Variants in LRRC4C observed in about 807,000 individuals in gnomAD.
LRRC4C encodes leucine-rich repeat-containing protein 4C.
In LRRC4C, 5 loss-of-function variants were observed where a neutral mutation model predicts 33.6. The ratio of observed to expected loss-of-function variants is 0.15; its 90% confidence interval spans 0.08 to 0.31. LRRC4C has a LOEUF of 0.31. LRRC4C is among the 10% of genes least tolerant of loss of function. The pLI, the probability that LRRC4C is intolerant of heterozygous loss-of-function variation, is 1.00. For synonymous variants in LRRC4C, 329 were observed against 302.0 expected (o/e 1.09, Z -0.93); for missense variants, 560 against 796.7 (o/e 0.70, Z 3.58).
chr11:41,012,605 G>C (rs567077659), intron 1 of LRRC4C, among the ~76,000 whole-genome samples: 1 of 152,260 alleles, frequency 6.6e-6, no homozygotes, highest in South Asian at 2.1e-4. Context: ...ATGCCCAGTA[G>C]TGAAATTGCT....
intron 1 of LRRC4C, among the ~76,000 whole-genome samples, chr11:41,432,726 G>T (rs529351283): frequency 6.6e-6 from 1 of 152,026 alleles, no homozygotes; most frequent in Non-Finnish European, 1.5e-5. Flanking sequence ...GTGCTCTAGA[G>T]ACATTTTATA....
chr11:40,997,845 G>A (rs564375901), intron 1 of LRRC4C, among the ~76,000 whole-genome samples: 2 of 152,222 alleles, frequency 1.3e-5, no homozygotes, highest in African/African-American at 4.8e-5. Flanking sequence ...CAAACTTGCA[G>A]TTATTCACCT....
At chr11:40,889,800 C>T (rs1048870995) in intron 2 of LRRC4C, among the ~76,000 whole-genome samples, 8 of 151,986 alleles carry the variant, frequency 5.3e-5, no homozygotes, top group African/African-American at 1.9e-4. Flanking sequence ...TTCTCTGAAT[C>T]CCAGAAAACT....
intron 4 of LRRC4C, among the ~76,000 whole-genome samples, chr11:40,243,359 T>C (rs995743120): frequency 1.3e-5 from 2 of 152,166 alleles, no homozygotes; most frequent in African/African-American, 4.8e-5. Flanking sequence ...ATACTTTATA[T>C]TTTGTGGAAC....
At chr11:41,278,831 T>TC (rs397713761) in intron 1 of LRRC4C, among the ~76,000 whole-genome samples, 3 of 151,750 alleles carry the variant, frequency 2.0e-5, no homozygotes, top group Non-Finnish European at 4.4e-5. Context: ...TGTGTTTTTT[T>TC]CCCCCAACTT....
intron 3 of LRRC4C, among the ~76,000 whole-genome samples, chr11:40,600,881 A>G (rs1207255439): frequency 8.3e-5 from 1 of 12,024 alleles, no homozygotes; most frequent in Non-Finnish European, 8.8e-3. Flanking sequence ...ACATATCCCC[A>G]TAAATATGAG....
intron 3 of LRRC4C, among the ~76,000 whole-genome samples, chr11:40,414,530 G>T (rs528430009): frequency 6.6e-6 from 1 of 152,136 alleles, no homozygotes; most frequent in African/African-American, 2.4e-5. Context: ...GTAATGGTTG[G>T]TTTGCCAACC....
intron 3 of LRRC4C, among the ~76,000 whole-genome samples, chr11:40,532,174 C>A (rs963261991): frequency 6.6e-6 from 1 of 151,012 alleles, no homozygotes; most frequent in African/African-American, 2.4e-5. Context: ...TAGCTAGTAA[C>A]CTCAACCAAG....
intron 1 of LRRC4C, among the ~76,000 whole-genome samples, chr11:41,454,386 C>T (rs1956117014): frequency 6.6e-6 from 1 of 152,060 alleles, no homozygotes; most frequent in Non-Finnish European, 1.5e-5. Context: ...TGCAGCATTC[C>T]CTGTCCAAAT....
chr11:40,836,594 T>C (rs1952679730), intron 2 of LRRC4C, among the ~76,000 whole-genome samples: 1 of 152,140 alleles, frequency 6.6e-6, no homozygotes, highest in African/African-American at 2.4e-5. Flanking sequence ...TTTTATAATA[T>C]AACTCTCAAG....
At chr11:40,638,353 A>G (rs1249920915) in intron 3 of LRRC4C, among the ~76,000 whole-genome samples, 1 of 152,168 alleles carries the variant, frequency 6.6e-6, no homozygotes, top group Non-Finnish European at 1.5e-5. Context: ...GAATTAATCA[A>G]CACATGCTAA....
intron 5 of LRRC4C, among the ~76,000 whole-genome samples, chr11:40,205,057 A>G (rs1033786467): frequency 1.3e-5 from 2 of 152,222 alleles, no homozygotes; most frequent in African/African-American, 2.4e-5. Flanking sequence ...TATTTTACAC[A>G]TCCTTTAAAT....
At chr11:40,611,259 A>G (rs1172015169) in intron 3 of LRRC4C, among the ~76,000 whole-genome samples, 1 of 151,946 alleles carries the variant, frequency 6.6e-6, no homozygotes, top group African/African-American at 2.4e-5. Flanking sequence ...TACCAAGACT[A>G]CACAATGGGG....
intron 1 of LRRC4C, among the ~76,000 whole-genome samples, chr11:41,408,755 A>AAAAAAAAAAAAAAAAAAAAAC (rs1191106845): frequency 6.8e-6 from 1 of 148,012 alleles, no homozygotes; most frequent in African/African-American, 2.7e-5. Context: ...TGTAAAAAAA[A>AAAAAAAAAAAAAAAAAAAAAC]AAAAAAAAAA....
chr11:40,404,056 T>C (rs917184586), intron 3 of LRRC4C, among the ~76,000 whole-genome samples: 1 of 152,200 alleles, frequency 6.6e-6, no homozygotes, highest in African/African-American at 2.4e-5. Context: ...GAGATCAAAG[T>C]AAGCATGACA....
intron 1 of LRRC4C, among the ~76,000 whole-genome samples, chr11:41,225,610 G>A (rs1350123541): frequency 2.0e-5 from 3 of 152,004 alleles, no homozygotes; most frequent in Non-Finnish European, 4.4e-5. Flanking sequence ...ACTAGCCTGG[G>A]CAACATAGTA....
chr11:41,370,477 C>G (rs1047069255), intron 1 of LRRC4C, among the ~76,000 whole-genome samples: 3 of 152,110 alleles, frequency 2.0e-5, no homozygotes, highest in East Asian at 3.9e-4. Flanking sequence ...ATACTGCTCT[C>G]GTGGTAGTGA....
intron 2 of LRRC4C, among the ~76,000 whole-genome samples, chr11:40,651,672 T>C (rs907987555): frequency 9.8e-5 from 15 of 152,302 alleles, no homozygotes; most frequent in Admixed American, 3.9e-4. Context: ...CAGAAGGTGA[T>C]TCCATGGAAG....
At chr11:40,641,221 TA>T (rs1350005002) in intron 3 of LRRC4C, among the ~76,000 whole-genome samples, 1 of 152,108 alleles carries the variant, frequency 6.6e-6, no homozygotes, top group Non-Finnish European at 1.5e-5. Context: ...TTGGGCGTTT[TA>T]AGTTTAGAGT....
Sources: gnomAD v4.1 joint callset for allele counts (sites outside exome capture counted in the v4.1 genomes callset) on GRCh38, gnomAD v4.1.1 for gene constraint, MANE v1.5 for transcripts, NCBI Gene and HGNC (gene_info 2026-07-23, HGNC 2026-07-21) for gene names.